The following THADA variants were observed in gnomAD, a reference collection of about 807,000 sequenced individuals.
The protein encoded by THADA is THADA armadillo repeat containing, also known as tRNA (32-2'-O)-methyltransferase regulator THADA.
A neutral mutation model predicts 219.8 loss-of-function variants in THADA; 213 were observed. The observed-to-expected ratio is 0.97, with a 90% CI of 0.87 to 1.09. The LOEUF is 1.09. Ranked by LOEUF, THADA falls within the 50% of genes least tolerant of loss-of-function variation. The pLI, the probability that THADA is intolerant of heterozygous loss-of-function variation, is 0.00. For missense variants in THADA, 2,956 were observed against 2,311.3 expected (o/e 1.28, Z -5.72); for synonymous variants, 1,018 against 828.9 (o/e 1.23, Z -3.92).
rs1477151044 is a variant in THADA at position 43,400,472 on chromosome 2, T to TATATATATATATATATATATAA, written c.4059-2334_4059-2333insTTATATATATATATATATATAT. Among the ~76,000 whole-genome samples, 390 of 144,042 alleles carry TATATATATATATATATATATAA rather than the reference T, an allele frequency of 2.7e-3. 4 individuals carry two copies. Among genetic ancestry groups the TATATATATATATATATATATAA allele is most frequent in the African/African-American group, 9.4e-3 (368 of 39,176 alleles). 94.5% of individuals were successfully genotyped at this position (144,042 alleles called of 152,430 possible). The stretch of plus-strand genomic sequence containing the variant: ...ATAGACAAATTTATATATATATATA[T>TATATATATATATATATATATAA]ATATAAATATATACACTAAGAAAAA... On this transcript the variant is annotated intron_variant, in intron 28 of 37. Transcript: ENST00000405975.
chr2:43,536,869 T>C (rs1321646902), intron 21 of THADA, among the ~76,000 whole-genome samples: 1 of 152,186 alleles, frequency 6.6e-6, no homozygotes, highest in Non-Finnish European at 1.5e-5. Context: ...GAGAAATAAA[T>C]AATAAGATTA....
In THADA at chr2:43,498,948, G is replaced by A; in HGVS notation, c.3629C>T (p.Ala1210Val). ...GAACAATGCTCTAAGGATATTTAAA[G>A]CATGAACCTAAAACAAGAAGTTCAA... ...DIQSTVPQVH[A>V]LNILRALFRD... The change falls in exon 25 of 38, where the codon GCT becomes GTT. Residue 1210 changes from alanine (A) to valine (V), a missense_variant. Coordinates refer to ENST00000405975, the MANE Select transcript of THADA (RefSeq NM_022065.5). 2 of 1,565,030 alleles carry A rather than the reference G, an allele frequency of 1.3e-6. No homozygotes were observed. The highest frequency in any genetic ancestry group is 8.7e-7 in the Non-Finnish European group (1 of 1,154,002).
At chr2:43,295,601 G>A (rs562393827) in intron 31 of THADA, among the ~76,000 whole-genome samples, 2 of 152,316 alleles carry the variant, frequency 1.3e-5, no homozygotes, top group East Asian at 3.9e-4. Flanking sequence ...CAGCATTTAA[G>A]TGATACGCAT....
At chr2:43,454,325 G>C (rs552182351) in intron 26 of THADA, among the ~76,000 whole-genome samples, 1 of 152,220 alleles carries the variant, frequency 6.6e-6, no homozygotes, top group East Asian at 1.9e-4. Context: ...AATTAGCCAG[G>C]TTCAGTGGCT....
At chr2:43,533,633 C>G (rs528654155) in intron 21 of THADA, among the ~76,000 whole-genome samples, 81 of 152,254 alleles carry the variant, frequency 5.3e-4, no homozygotes, top group African/African-American at 1.9e-3. Flanking sequence ...AGCAAACTAA[C>G]ACAGGAACAA....
intron 34 of THADA, among the ~76,000 whole-genome samples, chr2:43,289,296 G>A (rs1024662557): frequency 6.6e-6 from 1 of 152,152 alleles, no homozygotes; most frequent in Non-Finnish European, 1.5e-5. Context: ...TGTTCCAGAT[G>A]TACTTTACTT....
chr2:43,515,922 C>A (rs1691667187), intron 22 of THADA, among the ~76,000 whole-genome samples: 1 of 152,072 alleles, frequency 6.6e-6, no homozygotes, highest in South Asian at 2.1e-4. Context: ...AACTAAACTC[C>A]TGATCTTCCT....
intron 29 of THADA, among the ~76,000 whole-genome samples, chr2:43,389,301 T>C (rs573257992): frequency 1.3e-5 from 2 of 152,260 alleles, no homozygotes; most frequent in African/African-American, 2.4e-5. Context: ...TATTATTCTA[T>C]TAATACATTA....
chr2:43,570,363 T>C, intron 14 of THADA, 25 bp downstream of exon 14: 1 of 1,572,830 alleles, frequency 6.4e-7, no homozygotes, highest in Non-Finnish European at 8.6e-7. Context: ...AAAAAAACTC[T>C]CATGTTTAGA....
intron 24 of THADA, among the ~76,000 whole-genome samples, chr2:43,500,281 G>C (rs951121339): frequency 6.6e-6 from 1 of 152,230 alleles, no homozygotes; most frequent in African/African-American, 2.4e-5. Flanking sequence ...CTGGAAGAGA[G>C]CAAGAGGGGG....
chr2:43,574,271 G>T, intron 11 of THADA, 65 bp downstream of exon 11: 1 of 1,086,992 alleles, frequency 9.2e-7, no homozygotes. Context: ...ATTAGTATCT[G>T]CATAGCTACC....
At chr2:43,552,524 T>A (rs1696868737) in intron 17 of THADA, among the ~76,000 whole-genome samples, 185 bp from the exon 18 acceptor site, 1 of 152,162 alleles carries the variant, frequency 6.6e-6, no homozygotes, top group South Asian at 2.1e-4. Flanking sequence ...GAACTGAGTG[T>A]CTTTCCCTAA....
chr2:43,387,102 T>C (rs1002995219), intron 29 of THADA, among the ~76,000 whole-genome samples: 2 of 152,150 alleles, frequency 1.3e-5, no homozygotes, highest in African/African-American at 4.8e-5. Context: ...ACACAGCCTC[T>C]TGTCCCCCAC....
At chr2:43,360,341 A>T (rs1558637664) in intron 29 of THADA, among the ~76,000 whole-genome samples, 1 of 152,232 alleles carries the variant, frequency 6.6e-6, no homozygotes, top group East Asian at 1.9e-4. Flanking sequence ...ATGTGGGCTG[A>T]GATAAACAGT....
At chr2:43,544,088 A>G (rs1352360816) in intron 20 of THADA, among the ~76,000 whole-genome samples, 1 of 152,190 alleles carries the variant, frequency 6.6e-6, no homozygotes, top group Non-Finnish European at 1.5e-5. Flanking sequence ...CTTTCTACAT[A>G]TGGCTAGCCT....
intron 31 of THADA, among the ~76,000 whole-genome samples, chr2:43,294,480 T>C (rs1002334664): frequency 1.3e-5 from 2 of 152,126 alleles, no homozygotes; most frequent in African/African-American, 4.8e-5. Context: ...CTACAGGCCA[T>C]CCCATAACAC....
intron 4 of THADA, among the ~76,000 whole-genome samples, 178 bp downstream of exon 4, chr2:43,590,646 A>G (rs1321085993): frequency 6.8e-6 from 1 of 146,556 alleles, no homozygotes; most frequent in African/African-American, 2.5e-5. Flanking sequence ...CTCCGTCTCA[A>G]AAAAAAAAAA....
chr2:43,590,753 G>A (rs1648337570), intron 4 of THADA, 71 bp downstream of exon 4: 2 of 1,530,144 alleles, frequency 1.3e-6, no homozygotes, highest in South Asian at 1.2e-5. Flanking sequence ...TCAAACCAAG[G>A]AAGGAACTTC....
chr2:43,297,527 C>T (rs1675622353), intron 31 of THADA, among the ~76,000 whole-genome samples: 1 of 115,628 alleles, frequency 8.6e-6, no homozygotes, highest in Non-Finnish European at 1.8e-5. Context: ...CCCGGCCAGC[C>T]GTGCCGTCCG....
Sources: allele counts gnomAD v4.1 joint callset (sites outside exome capture counted in the v4.1 genomes callset), GRCh38; gene constraint gnomAD v4.1.1; transcripts MANE v1.5; gene names NCBI Gene and HGNC (gene_info 2026-07-23, HGNC 2026-07-21).